Variants in NOTCH3 observed in about 807,000 individuals in gnomAD.
The protein encoded by NOTCH3 is neurogenic locus notch homolog protein 3.
Under a neutral mutation model 213.3 loss-of-function variants are expected in NOTCH3, and 86 were observed. The observed-to-expected ratio is 0.40, with a 90% confidence interval of 0.34 to 0.48. The LOEUF (loss-of-function observed/expected upper bound fraction) is 0.48, where lower values mean the gene tolerates loss of function less well. Ranked by LOEUF, NOTCH3 falls within the 20% of genes least tolerant of loss-of-function variation. NOTCH3 has a pLI of 0.57. For synonymous variants in NOTCH3, 1,354 were observed against 1,355.9 expected (o/e 1.00, Z 0.03); for missense variants, 2,783 against 3,272.6 (o/e 0.85, Z 3.65).
intron 28 of NOTCH3, 21 bp downstream of exon 28, chr19:15,170,046 GGGTCAGAGGAGGGGGCAAA>G: frequency 8.5e-7 from 1 of 1,174,120 alleles, no homozygotes; most frequent in Non-Finnish European, 1.2e-6. Context: ...CTGAGGGGAG[GGGTCAGAGGAGGGGGCAAA>G]GGTCAGAGGG....
At chr19:15,170,589 A>C (rs1009352957) in intron 26 of NOTCH3, 36 bp from the exon 27 acceptor site, 52 of 1,594,390 alleles carry the variant, frequency 3.3e-5, no homozygotes, top group Non-Finnish European at 4.1e-5. Flanking sequence ...GCTTCAGCCG[A>C]GGGCGGGGCT....
chr19:15,179,702 T>C (rs2046823255), intron 20 of NOTCH3: 1 of 618,292 alleles, frequency 1.6e-6, no homozygotes, highest in Admixed American at 2.5e-5. Flanking sequence ...GCCAACATGG[T>C]GAAACCCTGT....
At position 15,161,636 on chromosome 19, in the gene NOTCH3, G is replaced by A. The variant is rs201105335; in HGVS notation, c.5992C>T (p.Arg1998Cys). The change falls in exon 33 of 33, where the codon CGT becomes TGT. Residue 1998 changes from arginine (R) to cysteine (C), a missense_variant. By Grantham distance (180) the Arg-to-Cys change is radical. Coordinates refer to ENST00000263388, the MANE Select transcript of NOTCH3 (RefSeq NM_000435.3). ...CTGTCCAGGTGGTCGGTGATCTCAC[G>A]GTTGGCAAAGTGGTCCAACAGCAGC... ...AKLLLDHFAN[R>C]EITDHLDRLP... 128 of 1,613,706 alleles carry A rather than the reference G, an allele frequency of 7.9e-5. No homozygotes were observed. The African/African-American group carries it at 1.4e-3, about 18-fold the overall frequency.
Position 15,170,570 on chromosome 19 carries a change from G to T in NOTCH3, c.4892-17C>A. 1 of 1,606,582 alleles carries T rather than the reference G, an allele frequency of 6.2e-7. No individual in the cohort carries two copies. The stretch of plus-strand genomic sequence containing the variant: ...GCGGCTCCCCTAAGAGCAGGAAGCA[G>T]AGGGCGGGGCTTCAGCCGAGGGCGG... On this transcript the variant is annotated splice_polypyrimidine_tract_variant and intron_variant, in intron 26 of 32. Transcript: ENST00000263388.
Position 15,161,122 on chromosome 19 carries a change from G to C in NOTCH3, c.6506C>G (p.Pro2169Arg), listed in dbSNP as rs886054252. The change falls in exon 33 of 33, where the codon CCC becomes CGC. Residue 2169 changes from proline to arginine, a missense_variant. Pro to Arg is a moderately radical substitution (Grantham distance 103). Around this residue, in one of 6 missense-constraint regions of NOTCH3, gnomAD observed 441 missense variants for 432.1 expected, o/e 1.02. Coordinates refer to ENST00000263388, the MANE Select transcript of NOTCH3 (RefSeq NM_000435.3). ...TGGGGGCAGCCGGGCCCAATCGAGG[G>C]GCACAGCCACAGGGTTCAGCAGGCC... is the stretch of plus-strand genomic sequence containing the variant. ...SLGLLNPVAV[P>R]LDWARLPPPA... 1.3e-6 allele frequency: 2 copies of C among 1,539,954 alleles called. No individual in the cohort carries two copies. The highest frequency in any genetic ancestry group is 1.7e-6 in the Non-Finnish European group (2 of 1,148,894).
At chr19:15,168,530 C>A (rs1050011360) in intron 28 of NOTCH3, among the ~76,000 whole-genome samples, 32 of 152,166 alleles carry the variant, frequency 2.1e-4, no homozygotes, top group Non-Finnish European at 4.0e-4. Flanking sequence ...CTCAATTGTG[C>A]CCCCTCTAAA....
Position 15,170,311 on chromosome 19 carries a change from G to A in NOTCH3, c.5114+20C>T. Reference sequence around the variant, plus strand: ...ACAAGGTCCCCGTAGTCAGGGACAGGGAGCGAGCAGGGTTCTCACTTCATG... The same window carrying A: ...ACAAGGTCCCCGTAGTCAGGGACAGAGAGCGAGCAGGGTTCTCACTTCATG... On this transcript the variant is annotated intron_variant, in intron 27 of 32. Coordinates refer to ENST00000263388, the MANE Select transcript of NOTCH3 (RefSeq NM_000435.3). 1 of 1,606,492 alleles carries A rather than the reference G, an allele frequency of 6.2e-7. No homozygotes were observed.
At position 15,179,220 on chromosome 19, in the gene NOTCH3, G is replaced by A. The variant is rs200504060; in HGVS notation, c.3523C>T (p.Arg1175Trp). Residue 1175 changes from arginine to tryptophan, a missense_variant, in exon 22 of 33, where the codon CGG becomes TGG. Arg to Trp is a moderately radical substitution (Grantham distance 101, BLOSUM62 -3). Around this residue, in one of 6 missense-constraint regions of NOTCH3, gnomAD observed 861 missense variants for 909.1 expected, o/e 0.95. Coordinates refer to ENST00000263388, the MANE Select transcript of NOTCH3 (RefSeq NM_000435.3). ...GPGPPLDSGP[R>W]CLHNGTCVDL... ...ACGCAGGTGCCATTGTGTAGGCACC[G>A]GGGCCCTGAGTCCAGCGGTGGGCCT... 3.8e-4 allele frequency: 613 copies of A among 1,613,950 alleles called. 6 individuals are homozygous for A. The East Asian group carries it at 0.011, about 28-fold the overall frequency.
At position 15,189,047 on chromosome 19, in the gene NOTCH3, G is replaced by A. The variant is rs377548934; in HGVS notation, c.1320C>T (p.Cys440=). The A allele has an allele frequency of 1.9e-6, 3 of 1,612,994 alleles. No homozygotes were observed. The highest frequency in any genetic ancestry group is 2.2e-5 in the East Asian group (1 of 44,882). ...TDVNECLSGP[C]RNQATCLDRI... ...GGTCGAGGCACGTGGCCTGGTTTCG[G>A]CAGGGCCCCGACAGACACTCGTTGA... Residue 440 remains cysteine (C), a synonymous_variant, in exon 8 of 33, where the codon TGC becomes TGT. Coordinates refer to ENST00000263388, the MANE Select transcript of NOTCH3 (RefSeq NM_000435.3).
rs2145399979 is a variant in NOTCH3, at chr19:15,170,389, C to T, written c.5056G>A (p.Val1686Met). The change falls in exon 27 of 33, where the codon GTG becomes ATG. Residue 1686 changes from valine to methionine, a missense_variant. Around this residue, in one of 6 missense-constraint regions of NOTCH3, gnomAD observed 636 missense variants for 801.8 expected, o/e 0.79. Transcript: ENST00000263388. ...CGCCGGCCCTTGTGACCAGAGGCCACGTCCTTGTGCAGTGAGAAGCCCTCA... is the reference window on the plus strand; with the variant it reads ...CGCCGGCCCTTGTGACCAGAGGCCATGTCCTTGTGCAGTGAGAAGCCCTCA... ...FPEGFSLHKD[V>M]ASGHKGRREP... is the part of the protein sequence containing the mutation. 1.2e-6 allele frequency: 2 copies of T among 1,613,764 alleles called. No homozygotes were observed. Among genetic ancestry groups the T allele is most frequent in the Non-Finnish European group, 1.7e-6 (2 of 1,180,020 alleles).
Position 15,187,859 on chromosome 19 carries a change from G to A in NOTCH3, c.1606+22C>T, listed in dbSNP as rs770264436. ...AAGCCCCGCCTCCTGATTCTTGTCGGACTGTCATTGGCCCGCCTCACCCTC... is the reference window on the plus strand; with the variant it reads ...AAGCCCCGCCTCCTGATTCTTGTCGAACTGTCATTGGCCCGCCTCACCCTC... On this transcript the variant is annotated intron_variant, in intron 10 of 32. Transcript: ENST00000263388. The A allele has an allele frequency of 3.3e-6, 5 of 1,533,140 alleles. No individual in the cohort carries two copies. In the African/African-American group the frequency reaches 5.5e-5, roughly 17 times the overall value. The allele number at this position is 1,533,140 out of a possible 1,614,324, so 95.0% of individuals were successfully genotyped here.
intron 16 of NOTCH3, 91 bp downstream of exon 16, chr19:15,184,204 G>T: frequency 7.7e-7 from 1 of 1,291,638 alleles, no homozygotes; most frequent in Non-Finnish European, 1.1e-6. Flanking sequence ...TAACTGTGAA[G>T]ATGAAATGAC....
At chr19:15,174,862 C>A (rs1299728427) in intron 24 of NOTCH3, among the ~76,000 whole-genome samples, 1 of 152,152 alleles carries the variant, frequency 6.6e-6, no homozygotes, top group Non-Finnish European at 1.5e-5. Flanking sequence ...GCATAAGTCA[C>A]CGCACGCAGC....
intron 23 of NOTCH3, 122 bp from the exon 24 acceptor site, chr19:15,178,212 T>G: frequency 1.6e-5 from 9 of 551,998 alleles, no homozygotes; most frequent in Non-Finnish European, 2.9e-5. Context: ...AGAGAAGAGG[T>G]CAAGACTAAG....
At position 15,178,092 on chromosome 19, in the gene NOTCH3, T is replaced by A; in HGVS notation, c.3838-2A>T. On this transcript the variant is annotated splice_acceptor_variant, in intron 23 of 32. Transcript: ENST00000263388. LOFTEE classifies it high-confidence loss of function. ...CTCGCAACGCGGACCCCAGAACGGC[T>A]GGGGGTCGGGTTTGGGGAGGGAGGG... 6.6e-7 allele frequency: 1 copy of A among 1,504,268 alleles called. No homozygotes were observed. The highest frequency in any genetic ancestry group is 8.8e-7 in the Non-Finnish European group (1 of 1,132,400). The allele number at this position is 1,504,268 out of a possible 1,614,324, so 93.2% of individuals were successfully genotyped here.
intron 25 of NOTCH3, among the ~76,000 whole-genome samples, chr19:15,173,128 T>G (rs1268469598): frequency 9.9e-6 from 1 of 100,732 alleles, no homozygotes; most frequent in Non-Finnish European, 2.0e-5. Context: ...TTTTTTTTTT[T>G]AAGAGATCGG....
Position 15,191,731 on chromosome 19 carries a change from G to C in NOTCH3, c.802+14C>G, listed in dbSNP as rs1272414564. The C allele has an allele frequency of 2.5e-6, 4 of 1,613,676 alleles. No homozygotes were observed. Among genetic ancestry groups the C allele is most frequent in the African/African-American group, 1.3e-5 (1 of 75,052 alleles). Reference sequence around the variant, plus strand: ...GAGGCCTGCCTCCCCGCTCCCTCTGGCCGCAGTGCCCACCTGTCCACTCAG... The same window carrying C: ...GAGGCCTGCCTCCCCGCTCCCTCTGCCCGCAGTGCCCACCTGTCCACTCAG... On this transcript the variant is annotated intron_variant, in intron 5 of 32. Transcript: ENST00000263388.
In NOTCH3 at chr19:15,161,139, C is replaced by T; in HGVS notation, c.6489G>A (p.Leu2163=). The T allele has an allele frequency of 6.5e-7, 1 of 1,539,350 alleles. No individual in the cohort carries two copies. Among genetic ancestry groups the T allele is most frequent in the South Asian group, 1.2e-5 (1 of 84,288 alleles). The change falls in exon 33 of 33, where the codon CTG becomes CTA. Residue 2163 remains leucine (L), a synonymous_variant. Transcript: ENST00000263388. ...AATCGAGGGGCACAGCCACAGGGTT[C>T]AGCAGGCCCAGGCTGAGTACACATC... The part of the protein sequence containing the change: ...PGGCVLSLGL[L]NPVAVPLDWA...
rs2145429976 is a variant in NOTCH3, at chr19:15,185,500, C to T, written c.2131G>A (p.Asp711Asn). ...AAGGGCCCTCACCCGCCAGGTGCAT[C>T]ATAGCAGATGCCGTGACTGCAGGGC... is the stretch of plus-strand genomic sequence containing the variant. ...HEPCSHGICYDAPGGFRCVCE... is the reference protein window; with the variant it reads ...HEPCSHGICYNAPGGFRCVCE... Residue 711 changes from aspartate (D) to asparagine (N), a missense_variant, in exon 13 of 33, where the codon GAT (aspartate) becomes AAT (asparagine). By Grantham distance (23) the Asp-to-Asn change is conservative. Transcript: ENST00000263388. This position sits in a 1 kb window ranked among gnomAD's most constrained non-coding sequence, Gnocchi z 4.2. 1 of 1,612,980 alleles carries T rather than the reference C, an allele frequency of 6.2e-7. No homozygotes were observed. The highest frequency in any genetic ancestry group is 8.5e-7 in the Non-Finnish European group (1 of 1,179,778).
Sources: allele counts gnomAD v4.1 joint callset (sites outside exome capture counted in the v4.1 genomes callset), GRCh38; gene constraint gnomAD v4.1.1; regional missense constraint gnomAD v4.1.1; non-coding constraint Gnocchi (gnomAD v3.1); transcripts MANE v1.5; gene names NCBI Gene and HGNC (gene_info 2026-07-23, HGNC 2026-07-21).